The following HMGA2 variants were observed in gnomAD, a reference collection of about 807,000 sequenced individuals.
The protein encoded by HMGA2 is high mobility group AT-hook 2.
HMGA2 carries 8 observed loss-of-function variants against 19.1 expected under a neutral mutation model. The observed-to-expected ratio is 0.42, with a 90% CI of 0.25 to 0.76. The LOEUF is 0.76. Ranked by LOEUF, HMGA2 falls within the 30% of genes least tolerant of loss-of-function variation. The pLI is 0.28. For missense variants in HMGA2, 109 were observed against 136.3 expected, an observed-to-expected ratio of 0.80 and a Z score of 1.00; for synonymous variants, 60 against 48.8, an observed-to-expected ratio of 1.23 and a Z score of -0.96.
chr12:65,945,206 T>C (rs1218658690), intron 3 of HMGA2, among the ~76,000 whole-genome samples: 3 of 149,922 alleles, frequency 2.0e-5, no homozygotes, highest in Non-Finnish European at 3.0e-5. Flanking sequence ...AGATCTAACA[T>C]AAAAGGTGTG....
intron 3 of HMGA2, among the ~76,000 whole-genome samples, chr12:65,888,300 A>G (rs931888406): frequency 3.3e-5 from 5 of 151,778 alleles, no homozygotes; most frequent in Non-Finnish European, 7.4e-5. Flanking sequence ...TACTAAAAAT[A>G]TAAAAGTTAG....
intron 3 of HMGA2, among the ~76,000 whole-genome samples, chr12:65,890,931 A>G (rs1460985387): frequency 6.6e-6 from 1 of 151,880 alleles, no homozygotes; most frequent in South Asian, 2.1e-4. Flanking sequence ...CTGTGTCACC[A>G]TGTTGGCCAG....
intron 3 of HMGA2, chr12:65,842,921 G>A: frequency 1.8e-5 from 21 of 1,167,968 alleles, no homozygotes; most frequent in Non-Finnish European, 2.2e-5. Flanking sequence ...TTAACCTCAT[G>A]TATAAAATCC....
At chr12:65,925,699 CAATT>C (rs953376690) in intron 3 of HMGA2, among the ~76,000 whole-genome samples, 79 of 152,268 alleles carry the variant, frequency 5.2e-4, no homozygotes, top group African/African-American at 1.3e-3. Context: ...AAAGCACTAT[CAATT>C]AATCAGGTTA....
At chr12:65,869,689 T>A (rs1872610375) in intron 3 of HMGA2, among the ~76,000 whole-genome samples, 1 of 152,190 alleles carries the variant, frequency 6.6e-6, no homozygotes, top group South Asian at 2.1e-4. Context: ...TTAAACACAA[T>A]CCTGTTTAAT....
At chr12:65,829,649 T>C (rs1870388067) in intron 2 of HMGA2, among the ~76,000 whole-genome samples, 1 of 152,078 alleles carries the variant, frequency 6.6e-6, no homozygotes, top group South Asian at 2.1e-4. Context: ...AATTTCACCA[T>C]AAATAAGTAA....
chr12:65,858,639 G>C (rs1410693365), intron 3 of HMGA2: 3 of 152,062 alleles, frequency 2.0e-5, no homozygotes, highest in African/African-American at 4.8e-5. Context: ...GAATTCATGA[G>C]AGAGTTATGC....
intron 3 of HMGA2, chr12:65,856,492 C>T (rs1871748063): frequency 1.3e-5 from 2 of 152,288 alleles, no homozygotes. Flanking sequence ...TTCCTCTTGC[C>T]TCACCCGATC....
chr12:65,855,450 T>TCACACACA lies in HMGA2; in HGVS notation c.249+16882_249+16883insACACACAC, dbSNP rs1315312278. Among the ~76,000 whole-genome samples, 112 of 106,138 alleles carry TCACACACA rather than the reference T, an allele frequency of 1.1e-3. 1 individual carries two copies. The highest frequency in any genetic ancestry group is 4.0e-3 in the African/African-American group (107 of 26,938). The allele number at this position is 106,138 out of a possible 152,430, so 69.6% of individuals were successfully genotyped here. A position where few individuals can be genotyped will look rare whatever the true frequency, so the allele number is the denominator to read the frequency against. On this transcript the variant is annotated intron_variant, in intron 3 of 4. Coordinates refer to ENST00000403681, the MANE Select transcript of HMGA2 (RefSeq NM_003483.6). ...CCCTCTCTTTCTCTTTCTCTCTCTC[T>TCACACACA]CTCTCTCTCACACACACACACACAC...
At chr12:65,920,323 T>C (rs1298100589) in intron 3 of HMGA2, among the ~76,000 whole-genome samples, 2 of 152,066 alleles carry the variant, frequency 1.3e-5, no homozygotes, top group Non-Finnish European at 2.9e-5. Context: ...TTAGAGACTG[T>C]GAATCTGGGG....
chr12:65,924,604 C>T (rs969264442), intron 3 of HMGA2, among the ~76,000 whole-genome samples: 1 of 152,122 alleles, frequency 6.6e-6, no homozygotes, highest in African/African-American at 2.4e-5. Flanking sequence ...TCGAGACCAT[C>T]CTGGCCAACA....
intron 3 of HMGA2, among the ~76,000 whole-genome samples, chr12:65,906,556 C>G (rs1197165868): frequency 1.3e-5 from 2 of 152,072 alleles, no homozygotes; most frequent in East Asian, 3.9e-4. Context: ...CATACTTCAG[C>G]AAGAAGGTGA....
chr12:65,838,443 C>A, intron 2 of HMGA2, 76 bp from the exon 3 acceptor site: 2 of 1,105,858 alleles, frequency 1.8e-6, no homozygotes, highest in Non-Finnish European at 1.4e-6. Context: ...ATTCTTACTT[C>A]AAATGTGTCC....
At chr12:65,945,596 G>C (rs533835044) in intron 3 of HMGA2, among the ~76,000 whole-genome samples, 1 of 152,096 alleles carries the variant, frequency 6.6e-6, no homozygotes, top group Non-Finnish European at 1.5e-5. Context: ...GGTGAAGAAG[G>C]ATATTGTTCA....
chr12:65,862,276 TACACACACACACAC>T (rs34442419), intron 3 of HMGA2, among the ~76,000 whole-genome samples: 13 of 144,566 alleles, frequency 9.0e-5, no homozygotes, highest in African/African-American at 3.1e-4. Flanking sequence ...AAATGCACCA[TACACACACACACAC>T]ACACACACAC....
At chr12:65,849,925 G>C (rs1173807575) in intron 3 of HMGA2, among the ~76,000 whole-genome samples, 2 of 151,826 alleles carry the variant, frequency 1.3e-5, no homozygotes, top group Non-Finnish European at 2.9e-5. Context: ...CACCATGTTG[G>C]CCAGGCTGGT....
At chr12:65,842,163 C>A in intron 3 of HMGA2, 1 of 1,238,078 alleles carries the variant, frequency 8.1e-7, no homozygotes, top group Non-Finnish European at 1.1e-6. Context: ...ATTCAGATGG[C>A]TTGGGTTCAA....
chr12:65,899,043 C>CA (rs751128412), intron 3 of HMGA2, among the ~76,000 whole-genome samples: 3,725 of 25,238 alleles, frequency 0.15, 718 homozygotes, highest in Non-Finnish European at 0.23. Flanking sequence ...GACTCCGTCT[C>CA]AAAAAAAAAA....
In HMGA2 at chr12:65,910,401, G is replaced by A. The variant is rs148887042; in HGVS notation, c.250-40982G>A. Among the ~76,000 whole-genome samples, 1,009 of 152,256 alleles carry A rather than the reference G, an allele frequency of 6.6e-3. 5 individuals are homozygous for A. The highest frequency in any genetic ancestry group is 0.019 in the South Asian group (93 of 4,822). ...TCATGAACAATAGTCACTGCTGACC[G>A]AGGTACTGCATTAAATCTTTTATAT... On this transcript the variant is annotated intron_variant, in intron 3 of 4. Coordinates refer to ENST00000403681, the MANE Select transcript of HMGA2 (RefSeq NM_003483.6).
Sources: gnomAD v4.1 joint callset for allele counts (sites outside exome capture counted in the v4.1 genomes callset) on GRCh38, gnomAD v4.1.1 for gene constraint, MANE v1.5 for transcripts, NCBI Gene and HGNC (gene_info 2026-07-23, HGNC 2026-07-21) for gene names.